The following GLI3 variants were observed in gnomAD, a reference collection of about 807,000 sequenced individuals.
GLI3 encodes GLI family zinc finger 3.
Under a neutral mutation model 100.8 loss-of-function variants are expected in GLI3, and 20 were observed. The observed-to-expected ratio is 0.20, with a 90% CI of 0.14 to 0.29. The LOEUF is 0.29. GLI3 is among the 10% of genes least tolerant of loss of function. The pLI is 1.00. For missense variants in GLI3, 2,040 were observed against 2,128.5 expected, an observed-to-expected ratio of 0.96 and a Z score of 0.82; for synonymous variants, 938 against 860.5, an observed-to-expected ratio of 1.09 and a Z score of -1.58.
intron 2 of GLI3, among the ~76,000 whole-genome samples, chr7:42,207,310 G>C (rs1484936604): frequency 6.6e-6 from 1 of 152,150 alleles, no homozygotes; most frequent in East Asian, 1.9e-4. Context: ...CTTGACCTGG[G>C]CTCTGTTTAC....
chr7:42,019,081 T>C (rs56156312), intron 10 of GLI3, among the ~76,000 whole-genome samples: 2,105 of 152,276 alleles, frequency 0.014, 26 homozygotes, highest in Non-Finnish European at 0.024. Flanking sequence ...GGGGTTGGAT[T>C]GTTGAAATTG....
chr7:42,259,924 A>G (rs1181698292), intron 1 of GLI3, among the ~76,000 whole-genome samples: 1 of 152,226 alleles, frequency 6.6e-6, no homozygotes, highest in East Asian at 1.9e-4. Flanking sequence ...AAGGCAAAGC[A>G]GCTTTGTCTG....
At chr7:42,210,347 C>G (rs906751370) in intron 2 of GLI3, among the ~76,000 whole-genome samples, 10 of 135,232 alleles carry the variant, frequency 7.4e-5, no homozygotes, top group African/African-American at 1.7e-4. Flanking sequence ...AGCCCCCCCC[C>G]CCCCCCCAAG....
intron 2 of GLI3, among the ~76,000 whole-genome samples, chr7:42,174,826 G>A (rs373970537): frequency 6.6e-6 from 1 of 152,092 alleles, no homozygotes; most frequent in Non-Finnish European, 1.5e-5. Flanking sequence ...GCTCCAGCTC[G>A]GGCAAGTCAC....
chr7:42,237,973 CCCTCCGCCGCCG>C (rs1562797677), upstream of GLI3: 1 of 154,718 alleles, frequency 6.5e-6, no homozygotes, highest in Non-Finnish European at 1.3e-5. Flanking sequence ...TCCCTCCCCG[CCCTCCGCCGCCG>C]CCGCCGCCGC....
intron 10 of GLI3, among the ~76,000 whole-genome samples, chr7:42,003,851 C>T (rs934087522): frequency 6.6e-5 from 10 of 152,258 alleles, no homozygotes; most frequent in Middle Eastern, 3.4e-3. Context: ...AGCCATGTCT[C>T]TGGTATCAAA....
intron 2 of GLI3, among the ~76,000 whole-genome samples, chr7:42,165,178 C>T (rs79813270): frequency 6.8e-6 from 1 of 146,848 alleles, no homozygotes; most frequent in African/African-American, 2.6e-5. Context: ...GAAACTGTGT[C>T]CAAAAAAAAA....
At chr7:42,006,638 A>G (rs189326516) in intron 10 of GLI3, among the ~76,000 whole-genome samples, 2 of 152,232 alleles carry the variant, frequency 1.3e-5, no homozygotes, top group East Asian at 3.9e-4. Context: ...TACAACTCCT[A>G]ATTTTGGGGG....
intron 3 of GLI3, among the ~76,000 whole-genome samples, chr7:42,114,121 C>T (rs1309573559): frequency 2.6e-5 from 4 of 152,176 alleles, no homozygotes; most frequent in Admixed American, 6.5e-5. Flanking sequence ...GCAGTGGTTC[C>T]GTTTCTAGAT....
chr7:41,977,868 C>A, intron 11 of GLI3, 146 bp from the exon 12 acceptor site: 2 of 736,574 alleles, frequency 2.7e-6, no homozygotes, highest in South Asian at 3.0e-5. Context: ...CTAAACTCTG[C>A]ATTTATTGGG....
chr7:42,254,409 C>T (rs939463649), intron 1 of GLI3, among the ~76,000 whole-genome samples: 2 of 152,060 alleles, frequency 1.3e-5, no homozygotes, highest in Non-Finnish European at 2.9e-5. Flanking sequence ...AATATGATGA[C>T]ACAAGAGTGA....
chr7:42,191,333 G>A (rs1787821545), intron 2 of GLI3, among the ~76,000 whole-genome samples: 1 of 152,078 alleles, frequency 6.6e-6, no homozygotes, highest in Admixed American at 6.6e-5. Flanking sequence ...ATAATAGCCG[G>A]CCGTGGTGGC....
At chr7:42,031,839 A>G (rs777999860) in intron 7 of GLI3, among the ~76,000 whole-genome samples, 3 of 152,202 alleles carry the variant, frequency 2.0e-5, no homozygotes, top group Non-Finnish European at 4.4e-5. Flanking sequence ...AAAGTGATTA[A>G]CAAACCGTTG....
At chr7:42,262,677 T>G (rs1017102608) in intron 1 of GLI3, among the ~76,000 whole-genome samples, 1 of 152,232 alleles carries the variant, frequency 6.6e-6, no homozygotes, top group Non-Finnish European at 1.5e-5. Context: ...CAGTGCAACA[T>G]TTTAAAGAAT....
intron 6 of GLI3, among the ~76,000 whole-genome samples, chr7:42,042,403 T>C (rs961733936): frequency 6.6e-6 from 1 of 152,224 alleles, no homozygotes; most frequent in Non-Finnish European, 1.5e-5. Context: ...TTACTCACCA[T>C]GAGAGGCTAA....
intron 4 of GLI3, among the ~76,000 whole-genome samples, chr7:42,050,604 C>T (rs1260363787): frequency 6.6e-6 from 1 of 152,186 alleles, no homozygotes; most frequent in African/African-American, 2.4e-5. Flanking sequence ...ATTCTAAACA[C>T]AGACTTGTTT....
chr7:42,049,362 G>A (rs1352052172), intron 4 of GLI3, among the ~76,000 whole-genome samples: 1 of 152,194 alleles, frequency 6.6e-6, no homozygotes, highest in African/African-American at 2.4e-5. Context: ...GGATCCAGGT[G>A]TGAGTGCTTG....
chr7:42,043,693 C>CT (rs1784188439), intron 6 of GLI3, among the ~76,000 whole-genome samples: 1 of 152,132 alleles, frequency 6.6e-6, no homozygotes, highest in African/African-American at 2.4e-5. Context: ...ATTAAAATTC[C>CT]TTTAATTAGT....
chr7:41,968,718 A>G (rs1479890211), intron 13 of GLI3, among the ~76,000 whole-genome samples: 3 of 90,576 alleles, frequency 3.3e-5, no homozygotes, highest in Non-Finnish European at 6.2e-5. Context: ...AGAAAGAAGA[A>G]AGAAAGAAAG....
Sources: allele counts gnomAD v4.1 joint callset (sites outside exome capture counted in the v4.1 genomes callset), GRCh38; gene constraint gnomAD v4.1.1; transcripts MANE v1.5; gene names NCBI Gene and HGNC (gene_info 2026-07-23, HGNC 2026-07-21).